CNOT6: variants seen among roughly 807,000 people sequenced by gnomAD.
The protein encoded by CNOT6 is carbon catabolite repression 4 protein.
Under a neutral mutation model 61.2 loss-of-function variants are expected in CNOT6, and 12 were observed. The observed-to-expected ratio is 0.20, with a 90% CI of 0.13 to 0.32. The LOEUF (loss-of-function observed/expected upper bound fraction) is 0.32, where lower values mean the gene tolerates loss of function less well. Among genes scored for constraint, CNOT6 ranks in the 10% least tolerant of loss-of-function variants. The probability of loss-of-function intolerance (pLI) is 1.00; values close to 1 mark genes in which losing one functional copy is unlikely to be tolerated. For missense variants in CNOT6, 405 were observed against 663.9 expected, an observed-to-expected ratio of 0.61 and a Z score of 4.28; for synonymous variants, 225 against 240.6, an observed-to-expected ratio of 0.94 and a Z score of 0.60.
At position 180,520,854 on chromosome 5, in the gene CNOT6, T is replaced by A. The variant is rs189720880; in HGVS notation, c.-2-8421T>A. Among the ~76,000 whole-genome samples, 135 of 151,674 alleles carry A rather than the reference T, an allele frequency of 8.9e-4. 1 individual carries two copies. The highest frequency in any genetic ancestry group is 3.4e-3 in the Middle Eastern group (1 of 294). Reference sequence around the variant, plus strand: ...TTTTTTATTTTATTTTATTATTTTTTTTTTTTTGGAGATGGAGTCTCTTTC... The same window carrying A: ...TTTTTTATTTTATTTTATTATTTTTATTTTTTTGGAGATGGAGTCTCTTTC... On this transcript the variant is annotated intron_variant, in intron 1 of 11. Coordinates refer to ENST00000261951, the MANE Select transcript of CNOT6 (RefSeq NM_001370472.1).
intron 1 of CNOT6, among the ~76,000 whole-genome samples, chr5:180,519,477 G>A (rs1333804734): frequency 1.3e-5 from 2 of 152,106 alleles, no homozygotes; most frequent in African/African-American, 4.8e-5. Flanking sequence ...TGCTCATCTG[G>A]AAAAAGTCCT....
At chr5:180,544,768 C>G (rs1581533074) in intron 2 of CNOT6, among the ~76,000 whole-genome samples, 1 of 152,200 alleles carries the variant, frequency 6.6e-6, no homozygotes, top group Non-Finnish European at 1.5e-5. Context: ...TACCCTTCCC[C>G]TCTCTTGAGT....
At chr5:180,571,766 A>T (rs1471806606) in intron 11 of CNOT6, among the ~76,000 whole-genome samples, 1 of 152,156 alleles carries the variant, frequency 6.6e-6, no homozygotes, top group South Asian at 2.1e-4. Flanking sequence ...GGGTCTCGCT[A>T]TGCCCAGGCT....
Position 180,516,791 on chromosome 5 carries a change from A to G in CNOT6, c.-2-12484A>G, listed in dbSNP as rs546182690. 8.3e-4 allele frequency among the ~76,000 whole-genome samples: 126 copies of G among 152,364 alleles called. 1 individual carries two copies. Among genetic ancestry groups the G allele is most frequent in the Non-Finnish European group, 1.5e-3 (99 of 68,030 alleles). ...CCTTAATTCTCTTCAAATCTAGAAT[A>G]GTGCTGACACCAGTTTGTTGAAGGC... On this transcript the variant is annotated intron_variant, in intron 1 of 11. Coordinates refer to ENST00000261951, the MANE Select transcript of CNOT6 (RefSeq NM_001370472.1).
Position 180,574,027 on chromosome 5 carries a change from A to C in CNOT6, c.1501A>C (p.Asn501His). The part of the protein sequence containing the change: ...DYIFYSKPQL[N>H]TLGILGPLDH... ...CATTTTCTATTCTAAACCTCAGCTG[A>C]ACACCTTAGGCATCCTGGGCCCTCT... The change falls in exon 12 of 12, where the codon AAC (asparagine) becomes CAC (histidine). Residue 501 changes from asparagine to histidine, a missense_variant. Physicochemically the swap from Asn to His is moderately conservative, Grantham distance 68. Transcript: ENST00000261951. 1 of 1,613,930 alleles carries C rather than the reference A, an allele frequency of 6.2e-7. No homozygotes were observed. Among genetic ancestry groups the C allele is most frequent in the South Asian group, 1.1e-5 (1 of 91,066 alleles).
In CNOT6 at chr5:180,564,706, G is replaced by T. The variant is rs755005652; in HGVS notation, c.522G>T (p.Trp174Cys). The change falls in exon 6 of 12, where the codon TGG (tryptophan) becomes TGT (cysteine). Residue 174 changes from tryptophan to cysteine, a missense_variant. Physicochemically the swap from Trp to Cys is radical, Grantham distance 215. Coordinates refer to ENST00000261951, the MANE Select transcript of CNOT6 (RefSeq NM_001370472.1). ...ITTEQPPPRS[W>C]IMLQEPDRTR... ...CAGAACAACCACCTCCAAGGTCTTG[G>T]ATTATGTTACAAGAACCAGATAGGA... The T allele has an allele frequency of 4.3e-6, 7 of 1,614,008 alleles. No individual in the cohort carries two copies. The highest frequency in any genetic ancestry group is 5.9e-6 in the Non-Finnish European group (7 of 1,179,898).
intron 3 of CNOT6, 42 bp downstream of exon 3, chr5:180,550,159 TA>T (rs1359669252): frequency 6.6e-7 from 1 of 1,510,112 alleles, no homozygotes; most frequent in South Asian, 1.1e-5. Flanking sequence ...ATATGACCCC[TA>T]AAACAAAATA....
intron 1 of CNOT6, among the ~76,000 whole-genome samples, chr5:180,503,331 T>G (rs917729978): frequency 2.7e-5 from 4 of 150,640 alleles, no homozygotes; most frequent in Non-Finnish European, 4.4e-5. Flanking sequence ...TGGAGCAATC[T>G]CGGCTCACTG....
chr5:180,551,409 T>A (rs1759597073), intron 3 of CNOT6, among the ~76,000 whole-genome samples: 1 of 152,096 alleles, frequency 6.6e-6, no homozygotes, highest in Admixed American at 6.5e-5. Context: ...CATTGCTATG[T>A]TTATTTTGAT....
chr5:180,539,548 G>GTTGT (rs1561648866), intron 2 of CNOT6, among the ~76,000 whole-genome samples: 3 of 45,826 alleles, frequency 6.5e-5, no homozygotes, highest in Admixed American at 2.3e-4. Flanking sequence ...TACTTTTTCT[G>GTTGT]TTCTTTTTTT....
At chr5:180,551,339 A>G (rs1759593296) in intron 3 of CNOT6, among the ~76,000 whole-genome samples, 1 of 152,166 alleles carries the variant, frequency 6.6e-6, no homozygotes. Context: ...CCTGGGTGAC[A>G]GAGCAAGACC....
intron 2 of CNOT6, among the ~76,000 whole-genome samples, chr5:180,535,322 G>A (rs558959857): frequency 7.2e-5 from 11 of 152,248 alleles, no homozygotes; most frequent in East Asian, 3.9e-4. Flanking sequence ...TCGCCCTCCC[G>A]TGTTTTGGAA....
At chr5:180,564,806 G>A (rs780504599) in intron 6 of CNOT6, 63 bp downstream of exon 6, 17 of 1,214,238 alleles carry the variant, frequency 1.4e-5, no homozygotes, top group East Asian at 4.7e-5. Flanking sequence ...TAACAGTATT[G>A]TCAGCATGCT....
At position 180,554,676 on chromosome 5, in the gene CNOT6, C is replaced by A. The variant is rs555047811; in HGVS notation, c.385+1205C>A. Among the ~76,000 whole-genome samples, 11 of 152,072 alleles carry A rather than the reference C, an allele frequency of 7.2e-5. No individual in the cohort carries two copies. The South Asian group carries it at 2.1e-3, about 29-fold the overall frequency. On this transcript the variant is annotated intron_variant, in intron 4 of 11. Transcript: ENST00000261951. ...CCAGTGAAATGCAAGATGAAGATGC[C>A]CTTTTCTGTTATATTTCCCAGTCTA... is the stretch of plus-strand genomic sequence containing the variant.
At chr5:180,511,679 C>G (rs940843993) in intron 1 of CNOT6, among the ~76,000 whole-genome samples, 1 of 152,026 alleles carries the variant, frequency 6.6e-6, no homozygotes, top group Non-Finnish European at 1.5e-5. Context: ...ATGGGAGGAC[C>G]GCTTGAGCCT....
chr5:180,573,604 C>CGTGTGTGT (rs1561669597), intron 11 of CNOT6, among the ~76,000 whole-genome samples: 51 of 14,530 alleles, frequency 3.5e-3, no homozygotes, highest in South Asian at 6.3e-3. Context: ...TGTGTGTGTC[C>CGTGTGTGT]GTCCGTCCGT....
intron 1 of CNOT6, among the ~76,000 whole-genome samples, chr5:180,525,820 G>A (rs748790984): frequency 2.0e-5 from 3 of 152,120 alleles, no homozygotes; most frequent in African/African-American, 4.8e-5. Flanking sequence ...TGTGTTTCTA[G>A]GCGGGGGCGA....
intron 1 of CNOT6, among the ~76,000 whole-genome samples, chr5:180,517,862 G>T (rs1382912226): frequency 6.6e-6 from 1 of 152,168 alleles, no homozygotes; most frequent in Non-Finnish European, 1.5e-5. Flanking sequence ...TTTCTTAAAC[G>T]AGGGCTGTTT....
At chr5:180,563,253 T>C (rs1581564127) in intron 4 of CNOT6, among the ~76,000 whole-genome samples, 1 of 151,430 alleles carries the variant, frequency 6.6e-6, no homozygotes, top group Middle Eastern at 3.4e-3. Flanking sequence ...TCTCGCTCTG[T>C]TGCCCAGGCT....
Sources: gnomAD v4.1 joint callset for allele counts (sites outside exome capture counted in the v4.1 genomes callset) on GRCh38, gnomAD v4.1.1 for gene constraint, MANE v1.5 for transcripts, NCBI Gene and HGNC (gene_info 2026-07-23, HGNC 2026-07-21) for gene names.